Variants in L3MBTL4 observed in about 807,000 individuals in gnomAD.
The protein encoded by L3MBTL4 is lethal(3)malignant brain tumor-like protein 4.
Under a neutral mutation model 84.5 loss-of-function variants are expected in L3MBTL4, and 70 were observed. The ratio of observed to expected loss-of-function variants is 0.83; its 90% CI spans 0.68 to 1.01. L3MBTL4 has a LOEUF of 1.01. Ranked by LOEUF, L3MBTL4 falls within the 50% of genes least tolerant of loss-of-function variation. The pLI is 0.00. For synonymous variants in L3MBTL4, 274 were observed against 259.8 expected (o/e 1.05, Z -0.52); for missense variants, 715 against 754.8 (o/e 0.95, Z 0.62).
chr18:6,104,808 T>C (rs2058948104), intron 14 of L3MBTL4, among the ~76,000 whole-genome samples: 1 of 152,256 alleles, frequency 6.6e-6, no homozygotes, highest in Non-Finnish European at 1.5e-5. Flanking sequence ...TGTAGATTCA[T>C]ATATGTATAG....
intron 1 of L3MBTL4, among the ~76,000 whole-genome samples, chr18:6,392,400 T>C (rs747834880): frequency 1.3e-5 from 2 of 152,066 alleles, no homozygotes; most frequent in African/African-American, 2.4e-5. Flanking sequence ...AATACAAAAA[T>C]TAGCTGGGCA....
intron 4 of L3MBTL4, among the ~76,000 whole-genome samples, chr18:6,295,594 G>A (rs895836105): frequency 6.6e-6 from 1 of 151,954 alleles, no homozygotes. Context: ...CCAGTATCAA[G>A]AGCAAAGAAA....
chr18:6,141,655 C>T (rs906227941), intron 13 of L3MBTL4, among the ~76,000 whole-genome samples: 1 of 152,132 alleles, frequency 6.6e-6, no homozygotes, highest in South Asian at 2.1e-4. Context: ...AATCGGTCCT[C>T]AATTTTTCAA....
At chr18:6,093,603 A>C in intron 14 of L3MBTL4, 75 bp from the exon 15 acceptor site, 1 of 1,185,278 alleles carries the variant, frequency 8.4e-7, no homozygotes, top group South Asian at 2.0e-5. Context: ...ATTAGAGCAG[A>C]CTTACACCTA....
Position 5,979,841 on chromosome 18 carries a change from G to A in L3MBTL4, c.1445-10279C>T, listed in dbSNP as rs185832820. On this transcript the variant is annotated intron_variant, in intron 16 of 18. Transcript: ENST00000317931. ...AGACAGGTCCCTGGAGGTATTGTCA[G>A]ATTTATCTCAAAATAAACATTGCTT... Among the ~76,000 whole-genome samples, 116 of 152,310 alleles carry A rather than the reference G, an allele frequency of 7.6e-4. 1 individual carries two copies. The highest frequency in any genetic ancestry group is 1.5e-3 in the Non-Finnish European group (103 of 68,018).
intron 16 of L3MBTL4, among the ~76,000 whole-genome samples, chr18:6,026,112 C>T (rs892712627): frequency 7.9e-5 from 12 of 152,298 alleles, no homozygotes; most frequent in African/African-American, 2.9e-4. Context: ...GTGTCTTTTC[C>T]TCCCATTGAT....
chr18:6,289,224 G>C (rs2049734279), intron 4 of L3MBTL4, among the ~76,000 whole-genome samples: 1 of 151,956 alleles, frequency 6.6e-6, no homozygotes, highest in Admixed American at 6.6e-5. Flanking sequence ...TGTGTGACTG[G>C]GTTTAAAGAG....
intron 1 of L3MBTL4, among the ~76,000 whole-genome samples, chr18:6,340,422 C>T (rs751814915): frequency 6.6e-6 from 1 of 152,218 alleles, no homozygotes; most frequent in Non-Finnish European, 1.5e-5. Flanking sequence ...CTCCTTGGCG[C>T]AGAATTTCTC....
intron 13 of L3MBTL4, among the ~76,000 whole-genome samples, chr18:6,167,056 C>T (rs773626943): frequency 1.3e-5 from 2 of 152,160 alleles, no homozygotes; most frequent in African/African-American, 2.4e-5. Flanking sequence ...TACCTCTACA[C>T]AAATAAACTA....
chr18:6,121,106 T>C (rs1262308502), intron 14 of L3MBTL4, among the ~76,000 whole-genome samples: 1 of 152,210 alleles, frequency 6.6e-6, no homozygotes, highest in Admixed American at 6.5e-5. Context: ...TTATCTGTTG[T>C]CCATTCATTC....
At chr18:6,231,527 C>T (rs955897154) in intron 10 of L3MBTL4, among the ~76,000 whole-genome samples, 1 of 152,134 alleles carries the variant, frequency 6.6e-6, no homozygotes, top group Non-Finnish European at 1.5e-5. Context: ...AACAATATCA[C>T]ATTTTCTAAT....
At chr18:6,034,177 T>C (rs553812066) in intron 16 of L3MBTL4, among the ~76,000 whole-genome samples, 1 of 152,256 alleles carries the variant, frequency 6.6e-6, no homozygotes, top group East Asian at 1.9e-4. Flanking sequence ...CTTTAAGTTT[T>C]AGGTACATGT....
intron 13 of L3MBTL4, among the ~76,000 whole-genome samples, chr18:6,162,869 T>C (rs2043410402): frequency 6.6e-6 from 1 of 152,162 alleles, no homozygotes; most frequent in African/African-American, 2.4e-5. Context: ...TTCAAGGTGC[T>C]GTGAGTAAAT....
At chr18:6,173,971 C>T (rs1360981240) in intron 12 of L3MBTL4, among the ~76,000 whole-genome samples, 1 of 152,022 alleles carries the variant, frequency 6.6e-6, no homozygotes, top group African/African-American at 2.4e-5. Flanking sequence ...GGAGAAACCT[C>T]AATTAACACT....
intron 4 of L3MBTL4, among the ~76,000 whole-genome samples, chr18:6,267,475 C>G (rs138739102): frequency 2.2e-4 from 34 of 152,342 alleles, no homozygotes; most frequent in African/African-American, 6.7e-4. Flanking sequence ...AGCAATCTGA[C>G]AAACCCTGAA....
At chr18:6,372,006 C>T (rs572008953) in intron 1 of L3MBTL4, among the ~76,000 whole-genome samples, 3 of 152,310 alleles carry the variant, frequency 2.0e-5, no homozygotes, top group East Asian at 3.9e-4. Flanking sequence ...TGCTCCTGGG[C>T]CCTTGGGCCC....
intron 15 of L3MBTL4, among the ~76,000 whole-genome samples, chr18:6,087,481 G>T (rs2058295409): frequency 6.6e-6 from 1 of 152,098 alleles, no homozygotes; most frequent in African/African-American, 2.4e-5. Context: ...CTGGCTAGTG[G>T]CTCCTCAGAG....
intron 16 of L3MBTL4, among the ~76,000 whole-genome samples, chr18:6,064,700 G>T (rs1224394029): frequency 6.8e-6 from 1 of 147,834 alleles, no homozygotes; most frequent in East Asian, 2.0e-4. Context: ...CATTGATTTT[G>T]TAGCCTGAGA....
chr18:6,004,414 C>A (rs1385205710), intron 16 of L3MBTL4, among the ~76,000 whole-genome samples: 1 of 152,116 alleles, frequency 6.6e-6, no homozygotes, highest in African/African-American at 2.4e-5. Flanking sequence ...AAGCCCTGGA[C>A]GAGACTGCTT....
Sources: allele counts gnomAD v4.1 joint callset (sites outside exome capture counted in the v4.1 genomes callset), GRCh38; gene constraint gnomAD v4.1.1; transcripts MANE v1.5; gene names NCBI Gene and HGNC (gene_info 2026-07-23, HGNC 2026-07-21).